The following HMBOX1 variants were observed in gnomAD, a reference collection of about 807,000 sequenced individuals.
HMBOX1 encodes homeobox containing 1, also known as homeobox-containing protein 1.
A neutral mutation model predicts 54.5 loss-of-function variants in HMBOX1; 14 were observed. The ratio of observed to expected loss-of-function variants is 0.26; its 90% confidence interval spans 0.17 to 0.40. The LOEUF is 0.40. HMBOX1 is among the 10% of genes least tolerant of loss of function. The pLI is 1.00. For synonymous variants in HMBOX1, 160 were observed against 181.0 expected (o/e 0.88, Z 0.93); for missense variants, 332 against 514.4 (o/e 0.65, Z 3.43).
intron 4 of HMBOX1, among the ~76,000 whole-genome samples, chr8:28,993,930 A>G (rs1260091710): frequency 6.6e-6 from 1 of 152,176 alleles, no homozygotes. Flanking sequence ...GCACTTTGGG[A>G]GACTGAGGTG....
chr8:29,038,162 T>C (rs990429433), intron 6 of HMBOX1, among the ~76,000 whole-genome samples: 2 of 152,160 alleles, frequency 1.3e-5, no homozygotes, highest in African/African-American at 2.4e-5. Context: ...TTCAGTGTTA[T>C]TGAAATGAAA....
At chr8:28,989,831 G>A (rs1198165109) in intron 4 of HMBOX1, among the ~76,000 whole-genome samples, 1 of 152,162 alleles carries the variant, frequency 6.6e-6, no homozygotes, top group African/African-American at 2.4e-5. Context: ...CTTAGTCTAT[G>A]AACATAGTTT....
At position 29,051,152 on chromosome 8, in the gene HMBOX1, C is replaced by T. The variant is rs1443310984; in HGVS notation, c.1260C>T (p.Asp420=). ...TCAAGACAGAGGCCCTGGATGATGACTGATCAGGGAGGTTAAACATGACAA... is the reference window on the plus strand; with the variant it reads ...TCAAGACAGAGGCCCTGGATGATGATTGATCAGGGAGGTTAAACATGACAA... ...NEIKTEALDD[D] Residue 420 remains aspartate, a synonymous_variant, in exon 10 of 10, where the codon GAC becomes GAT. Coordinates refer to ENST00000287701, the MANE Select transcript of HMBOX1 (RefSeq NM_001135726.3). The T allele has an allele frequency of 1.2e-6, 2 of 1,613,488 alleles. No individual in the cohort carries two copies. The highest frequency in any genetic ancestry group is 4.5e-5 in the East Asian group (2 of 44,882).
Position 28,922,195 on chromosome 8 carries a change from A to G in HMBOX1, c.-58+31517A>G, listed in dbSNP as rs1315666043. ...TTTTCCTTATTATTCCCTAAACAAT[A>G]CAGTCAGACAACCATTTACGTGGTA... On this transcript the variant is annotated intron_variant, in intron 1 of 9. Coordinates refer to ENST00000287701, the MANE Select transcript of HMBOX1 (RefSeq NM_001135726.3). 2.0e-5 allele frequency among the ~76,000 whole-genome samples: 3 copies of G among 152,244 alleles called. No homozygotes were observed. The East Asian group carries it at 5.8e-4, about 29-fold the overall frequency.
chr8:28,931,567 G>A (rs1001968530), intron 1 of HMBOX1, among the ~76,000 whole-genome samples: 3 of 152,032 alleles, frequency 2.0e-5, no homozygotes, highest in Non-Finnish European at 4.4e-5. Flanking sequence ...TCTGAGACAG[G>A]ATCTTGCTGT....
intron 6 of HMBOX1, among the ~76,000 whole-genome samples, chr8:29,040,089 A>G (rs1043514590): frequency 7.2e-5 from 11 of 152,148 alleles, no homozygotes; most frequent in African/African-American, 2.2e-4. Flanking sequence ...GCCTAATTCA[A>G]TGAGCTTTCC....
At chr8:29,017,909 A>C (rs1800572762) in intron 5 of HMBOX1, among the ~76,000 whole-genome samples, 1 of 152,242 alleles carries the variant, frequency 6.6e-6, no homozygotes, top group South Asian at 2.1e-4. Context: ...TTAATATTGC[A>C]TAAACCTACA....
intron 9 of HMBOX1, chr8:29,050,801 G>T: frequency 1.9e-6 from 1 of 526,384 alleles, no homozygotes. Flanking sequence ...CATTTTTTGT[G>T]CTTTTTACTT....
intron 1 of HMBOX1, among the ~76,000 whole-genome samples, chr8:28,910,431 G>T (rs1168174652): frequency 6.6e-6 from 1 of 152,216 alleles, no homozygotes; most frequent in African/African-American, 2.4e-5. Context: ...GTACCTAGAA[G>T]TGGTATTGTT....
At chr8:29,031,452 A>G (rs541191298) in intron 6 of HMBOX1, among the ~76,000 whole-genome samples, 1 of 152,322 alleles carries the variant, frequency 6.6e-6, no homozygotes, top group South Asian at 2.1e-4. Flanking sequence ...GTAAAAAGCC[A>G]TAAATATCCA....
chr8:28,972,759 A>G (rs772063431), intron 3 of HMBOX1, among the ~76,000 whole-genome samples: 30 of 152,222 alleles, frequency 2.0e-4, no homozygotes, highest in African/African-American at 7.0e-4. Context: ...ATAAAGGTCT[A>G]AAAACTTGAC....
intron 1 of HMBOX1, among the ~76,000 whole-genome samples, chr8:28,897,406 G>C (rs1422690028): frequency 6.6e-6 from 1 of 152,212 alleles, no homozygotes; most frequent in Non-Finnish European, 1.5e-5. Context: ...GCTGGGCGTG[G>C]TGGCTCATGC....
At chr8:28,924,374 C>G (rs969316178) in intron 1 of HMBOX1, among the ~76,000 whole-genome samples, 1 of 151,728 alleles carries the variant, frequency 6.6e-6, no homozygotes, top group African/African-American at 2.4e-5. Flanking sequence ...TCCCAAAGTG[C>G]TGGGATTACA....
chr8:28,907,169 T>A (rs774563499), intron 1 of HMBOX1, among the ~76,000 whole-genome samples: 2 of 152,228 alleles, frequency 1.3e-5, no homozygotes, highest in Non-Finnish European at 2.9e-5. Context: ...TAAGGCAGTG[T>A]ATTCCTTGTG....
At chr8:28,902,474 A>G (rs760654489) in intron 1 of HMBOX1, among the ~76,000 whole-genome samples, 44 of 152,206 alleles carry the variant, frequency 2.9e-4, no homozygotes, top group Admixed American at 7.2e-4. Context: ...CGTGAGGCAC[A>G]GATCTCAGTA....
intron 1 of HMBOX1, among the ~76,000 whole-genome samples, chr8:28,928,444 T>C (rs558509804): frequency 5.9e-5 from 9 of 152,192 alleles, no homozygotes; most frequent in Non-Finnish European, 1.0e-4. Context: ...ACAATTGTTA[T>C]GGAGAGCAAT....
intron 4 of HMBOX1, among the ~76,000 whole-genome samples, chr8:29,007,333 A>T (rs1833611507): frequency 6.6e-6 from 1 of 152,122 alleles, no homozygotes; most frequent in South Asian, 2.1e-4. Context: ...AAAAATAACC[A>T]TAATGTCTGA....
At chr8:28,996,604 T>G (rs993989242) in intron 4 of HMBOX1, among the ~76,000 whole-genome samples, 3 of 152,130 alleles carry the variant, frequency 2.0e-5, no homozygotes, top group Non-Finnish European at 2.9e-5. Flanking sequence ...AGCACACAAG[T>G]TTTTAGTTTT....
At chr8:29,022,812 T>C (rs1030944213) in intron 6 of HMBOX1, among the ~76,000 whole-genome samples, 1 of 151,358 alleles carries the variant, frequency 6.6e-6, no homozygotes, top group African/African-American at 2.4e-5. Context: ...CGGAAAATAC[T>C]TTGTTTTGAC....
Sources: allele counts gnomAD v4.1 joint callset (sites outside exome capture counted in the v4.1 genomes callset), GRCh38; gene constraint gnomAD v4.1.1; transcripts MANE v1.5; gene names NCBI Gene and HGNC (gene_info 2026-07-23, HGNC 2026-07-21).